The following ZRANB3 variants were observed in gnomAD, a reference collection of about 807,000 sequenced individuals.
ZRANB3 encodes DNA annealing helicase and endonuclease ZRANB3.
In ZRANB3, 125 loss-of-function variants were observed where a neutral mutation model predicts 133.8. That is an observed-to-expected ratio of 0.93 (90% CI 0.81 to 1.08). ZRANB3 has a LOEUF of 1.08. Ranked by LOEUF, ZRANB3 falls within the 50% of genes least tolerant of loss-of-function variation. The pLI is 0.00. For synonymous variants in ZRANB3, 387 were observed against 432.7 expected (o/e 0.89, Z 1.31); for missense variants, 1,229 against 1,275.5 (o/e 0.96, Z 0.56).
chr2:135,434,819 T>C (rs1689463228), intron 2 of ZRANB3, among the ~76,000 whole-genome samples: 1 of 152,212 alleles, frequency 6.6e-6, no homozygotes, highest in Non-Finnish European at 1.5e-5. Flanking sequence ...ATGGAGTTTT[T>C]GTAAATGAAA....
intron 1 of ZRANB3, among the ~76,000 whole-genome samples, chr2:135,507,986 G>C (rs914765738): frequency 6.8e-6 from 1 of 147,020 alleles, no homozygotes; most frequent in African/African-American, 2.5e-5. Flanking sequence ...AAGAGAGAGA[G>C]AGAATAACAA....
At chr2:135,416,744 C>T (rs1280791381) in intron 2 of ZRANB3, among the ~76,000 whole-genome samples, 2 of 152,126 alleles carry the variant, frequency 1.3e-5, no homozygotes, top group Admixed American at 6.6e-5. Flanking sequence ...CAGCATGGTC[C>T]TGGTACCAAA....
chr2:135,377,290 C>A (rs550369853), intron 3 of ZRANB3, among the ~76,000 whole-genome samples: 1 of 152,282 alleles, frequency 6.6e-6, no homozygotes, highest in Admixed American at 6.5e-5. Context: ...TGTATAAATA[C>A]ACACACAAGT....
intron 12 of ZRANB3, among the ~76,000 whole-genome samples, chr2:135,252,522 G>GT (rs1679448146): frequency 6.6e-6 from 1 of 152,132 alleles, no homozygotes; most frequent in Non-Finnish European, 1.5e-5. Flanking sequence ...AACTCAGGGG[G>GT]TTAAATTAAT....
At chr2:135,337,404 T>C (rs573528789) in intron 6 of ZRANB3, among the ~76,000 whole-genome samples, 1 of 152,186 alleles carries the variant, frequency 6.6e-6, no homozygotes, top group Non-Finnish European at 1.5e-5. Context: ...TTCCCCAGAG[T>C]GCTATAGATA....
chr2:135,334,622 G>A lies in ZRANB3; in HGVS notation c.677+10928C>T, dbSNP rs532667621. Among the ~76,000 whole-genome samples, 110 of 152,030 alleles carry A rather than the reference G, an allele frequency of 7.2e-4. 1 individual carries two copies. The highest frequency in any genetic ancestry group is 2.4e-3 in the African/African-American group (101 of 41,464). ...TAATTTAATTTAATTTAGGCCAGTC[G>A]CGGTAGCTCACGTCTATAATCCCAG... On this transcript the variant is annotated intron_variant, in intron 6 of 20. Coordinates refer to ENST00000264159, the MANE Select transcript of ZRANB3 (RefSeq NM_032143.4).
At chr2:135,459,525 T>C (rs1398409875) in intron 2 of ZRANB3, among the ~76,000 whole-genome samples, 1 of 152,220 alleles carries the variant, frequency 6.6e-6, no homozygotes, top group Non-Finnish European at 1.5e-5. Flanking sequence ...CAGAAGAAAT[T>C]AGGATTCTTT....
rs1347190595 is a variant in ZRANB3, at chr2:135,353,457, C to T, written c.352G>A (p.Asp118Asn). 1.3e-6 allele frequency: 2 copies of T among 1,575,234 alleles called. No homozygotes were observed. Among genetic ancestry groups the T allele is most frequent in the African/African-American group, 1.4e-5 (1 of 73,132 alleles). Residue 118 changes from aspartate (D) to asparagine (N), a missense_variant, in exon 4 of 21, where the codon GAT (aspartate) becomes AAT (asparagine). Physicochemically the swap from Asp to Asn is conservative, Grantham distance 23. Coordinates refer to ENST00000264159, the MANE Select transcript of ZRANB3 (RefSeq NM_032143.4). Reference sequence around the variant, plus strand: ...TTAAACAGTTGTTCTTACCTAACATCAGTTTTATTCTGAATAACATTGATT... The same window carrying T: ...TTAAACAGTTGTTCTTACCTAACATTAGTTTTATTCTGAATAACATTGATT... The part of the protein sequence containing the change: ...EEINVIQNKT[D>N]VRRMSTSKVT...
chr2:135,348,991 T>C (rs6730002), intron 5 of ZRANB3, among the ~76,000 whole-genome samples: 40,263 of 152,098 alleles, frequency 0.26, 8,888 homozygotes, highest in African/African-American at 0.59. Flanking sequence ...ACATAATTTG[T>C]GGACATAATG....
intron 8 of ZRANB3, among the ~76,000 whole-genome samples, chr2:135,297,014 C>T (rs1307939792): frequency 6.6e-6 from 1 of 152,250 alleles, no homozygotes; most frequent in Non-Finnish European, 1.5e-5. Context: ...AGTTAGGCTA[C>T]TCGGGGGTCA....
At chr2:135,405,178 T>G (rs957115574) in intron 2 of ZRANB3, among the ~76,000 whole-genome samples, 3 of 152,150 alleles carry the variant, frequency 2.0e-5, no homozygotes, top group African/African-American at 7.2e-5. Context: ...TCCTAGTCTC[T>G]GATAAAGCAG....
intron 3 of ZRANB3, among the ~76,000 whole-genome samples, chr2:135,365,098 T>TA (rs1162128652): frequency 6.7e-6 from 1 of 148,514 alleles, no homozygotes; most frequent in Non-Finnish European, 1.5e-5. Flanking sequence ...AAATGAAAAA[T>TA]AAAAATACAA....
chr2:135,218,822 AAT>A (rs1475645456), intron 16 of ZRANB3, among the ~76,000 whole-genome samples: 1 of 152,228 alleles, frequency 6.6e-6, no homozygotes, highest in Admixed American at 6.5e-5. Flanking sequence ...GAAATTAAAT[AAT>A]GTGAGGATGA....
chr2:135,304,737 T>C (rs1682593295), intron 8 of ZRANB3, among the ~76,000 whole-genome samples: 1 of 152,094 alleles, frequency 6.6e-6, no homozygotes, highest in South Asian at 2.1e-4. Flanking sequence ...ATTTAGGTTT[T>C]TAATTTCTTT....
rs113524541 is a variant in ZRANB3, at chr2:135,288,727, T to C, written c.967-12972A>G. Reference sequence around the variant, plus strand: ...AACAGCAGCCTTAAATAATCTTTTGTATTTCTGTGGTATTGGTTGTAGTAT... The same window carrying C: ...AACAGCAGCCTTAAATAATCTTTTGCATTTCTGTGGTATTGGTTGTAGTAT... On this transcript the variant is annotated intron_variant, in intron 8 of 20. Coordinates refer to ENST00000264159, the MANE Select transcript of ZRANB3 (RefSeq NM_032143.4). 3.0e-3 allele frequency among the ~76,000 whole-genome samples: 451 copies of C among 152,308 alleles called. 3 individuals carry two copies. Among genetic ancestry groups the C allele is most frequent in the African/African-American group, 0.01 (420 of 41,562 alleles).
intron 12 of ZRANB3, among the ~76,000 whole-genome samples, chr2:135,263,474 C>T (rs889789741): frequency 1.1e-4 from 16 of 152,072 alleles, no homozygotes; most frequent in Admixed American, 2.0e-4. Context: ...CTAGAAGCAA[C>T]GATAGCCCAG....
chr2:135,340,767 A>C (rs1397104704), intron 6 of ZRANB3, among the ~76,000 whole-genome samples: 1 of 150,558 alleles, frequency 6.6e-6, no homozygotes, highest in Non-Finnish European at 1.5e-5. Flanking sequence ...GAGGCAGGAG[A>C]ATTGCTTGAA....
chr2:135,387,194 C>G (rs1297313692), intron 3 of ZRANB3, among the ~76,000 whole-genome samples: 1 of 151,932 alleles, frequency 6.6e-6, no homozygotes, highest in African/African-American at 2.4e-5. Context: ...TGTAAAATTG[C>G]TCTCCCAAGG....
chr2:135,448,262 C>A (rs188852668), intron 2 of ZRANB3, among the ~76,000 whole-genome samples: 95 of 152,304 alleles, frequency 6.2e-4, no homozygotes, highest in African/African-American at 2.3e-3. Context: ...TTCCTGCGCT[C>A]TCAGCTGCAC....
Sources: allele counts gnomAD v4.1 joint callset (sites outside exome capture counted in the v4.1 genomes callset), GRCh38; gene constraint gnomAD v4.1.1; transcripts MANE v1.5; gene names NCBI Gene and HGNC (gene_info 2026-07-23, HGNC 2026-07-21).